The following TRPC1 variants were observed in gnomAD, a reference collection of about 807,000 sequenced individuals.
The protein encoded by TRPC1 is short transient receptor potential channel 1.
Under a neutral mutation model 88.2 loss-of-function variants are expected in TRPC1, and 42 were observed. The ratio of observed to expected loss-of-function variants is 0.48; its 90% confidence interval spans 0.37 to 0.62. The LOEUF is 0.62. Among genes scored for constraint, TRPC1 ranks in the 20% least tolerant of loss-of-function variants. The pLI is 0.00. For synonymous variants in TRPC1, 288 were observed against 331.8 expected (o/e 0.87, Z 1.43); for missense variants, 699 against 957.3 (o/e 0.73, Z 3.56).
intron 9 of TRPC1, chr3:142,794,045 T>C (rs1271902967): frequency 3.7e-6 from 1 of 268,366 alleles, no homozygotes. Flanking sequence ...AGAAAAAAAT[T>C]TGTTTAACCT....
At chr3:142,738,985 T>A (rs1934245176) in intron 2 of TRPC1, among the ~76,000 whole-genome samples, 1 of 152,132 alleles carries the variant, frequency 6.6e-6, no homozygotes, top group African/African-American at 2.4e-5. Context: ...TATTATTATT[T>A]TTTGAGATGG....
At chr3:142,751,383 C>T (rs972070505) in intron 4 of TRPC1, among the ~76,000 whole-genome samples, 6 of 152,128 alleles carry the variant, frequency 3.9e-5, no homozygotes, top group Admixed American at 1.3e-4. Flanking sequence ...CAGTTACCTA[C>T]GGTATTTAGC....
rs1490029441 is a variant in TRPC1, at chr3:142,724,481, G to A, written c.-79G>A. 1 of 1,374,030 alleles carries A rather than the reference G, an allele frequency of 7.3e-7. No individual in the cohort carries two copies. Among genetic ancestry groups the A allele is most frequent in the Non-Finnish European group, 9.6e-7 (1 of 1,042,508 alleles). 85.1% of individuals were successfully genotyped at this position (1,374,030 alleles called of 1,614,324 possible). ...CTCATCCTTTTTCCAGCCCTGGGGC[G>A]TGGCTGGGGTCGGGGTCGGGGTCGG... On this transcript the variant is annotated 5_prime_UTR_variant, in exon 1 of 13. The change creates a new upstream start codon in the 5' untranslated region. Transcript: ENST00000476941. The surrounding 1 kb of genome is among the most constrained non-coding windows in gnomAD (Gnocchi z 5.6).
At chr3:142,789,966 A>C (rs980421457) in intron 7 of TRPC1, among the ~76,000 whole-genome samples, 12 of 152,190 alleles carry the variant, frequency 7.9e-5, no homozygotes, top group Admixed American at 7.9e-4. Context: ...TAGACCTAAT[A>C]AGTAAATTAT....
Position 142,724,642 on chromosome 3 carries a change from C to G in TRPC1, c.83C>G (p.Pro28Arg). Reference sequence around the variant, plus strand: ...CCTTCCTCTCCATCCTCTTCCTCGCCGAACGAGGTGATGGCGCTGAAGGAT... The same window carrying G: ...CCTTCCTCTCCATCCTCTTCCTCGCGGAACGAGGTGATGGCGCTGAAGGAT... Reference protein sequence around the residue: ...SLPSSPSSSSPNEVMALKDVR... With the variant: ...SLPSSPSSSSRNEVMALKDVR... The change falls in exon 1 of 13, where the codon CCG (proline) becomes CGG (arginine). Residue 28 changes from proline to arginine, a missense_variant. Pro to Arg is a moderately radical substitution (Grantham distance 103, BLOSUM62 -2). Around this residue, in one of 4 missense-constraint regions of TRPC1, gnomAD observed 157 missense variants for 127.0 expected, o/e 1.24. Coordinates refer to ENST00000476941, the MANE Select transcript of TRPC1 (RefSeq NM_001251845.2). This position sits in a 1 kb window ranked among gnomAD's most constrained non-coding sequence, Gnocchi z 5.6. 2 of 1,613,042 alleles carry G rather than the reference C, an allele frequency of 1.2e-6. No individual in the cohort carries two copies. The highest frequency in any genetic ancestry group is 8.5e-7 in the Non-Finnish European group (1 of 1,179,564).
In TRPC1 at chr3:142,736,447, G is replaced by C. The variant is rs765450309; in HGVS notation, c.241G>C (p.Asp81His). The C allele has an allele frequency of 1.2e-6, 2 of 1,612,824 alleles. No individual in the cohort carries two copies. The highest frequency in any genetic ancestry group is 1.7e-6 in the Non-Finnish European group (2 of 1,179,506). ...AGGTGACTTGAACATAAATTGCGTA[G>C]ATGTGCTTGGGAGAAATGCTGTTAC... The part of the protein sequence containing the change: ...SSGDLNINCV[D>H]VLGRNAVTIT... The change falls in exon 2 of 13, where the codon GAT becomes CAT. Residue 81 changes from aspartate (D) to histidine (H), a missense_variant. Physicochemically the swap from Asp to His is moderately conservative, Grantham distance 81. Coordinates refer to ENST00000476941, the MANE Select transcript of TRPC1 (RefSeq NM_001251845.2).
chr3:142,746,393 C>G (rs1474691521), intron 3 of TRPC1, among the ~76,000 whole-genome samples: 1 of 152,012 alleles, frequency 6.6e-6, no homozygotes, highest in Non-Finnish European at 1.5e-5. Flanking sequence ...CCACTTTTCT[C>G]TTAAGGGATT....
chr3:142,739,107 G>C (rs1934250181), intron 2 of TRPC1, among the ~76,000 whole-genome samples: 1 of 152,024 alleles, frequency 6.6e-6, no homozygotes, highest in South Asian at 2.1e-4. Context: ...AAGTAGCTGG[G>C]ATTATTATAG....
chr3:142,807,858 AG>A lies in TRPC1; in HGVS notation c.*1625del, dbSNP rs1179004970. ...TGACAGCATATTGTAAGAAAAAAAA[AG>A]GTGAATAAAATTTGACATTAGATTA... is the stretch of plus-strand genomic sequence containing the variant. On this transcript the variant is annotated 3_prime_UTR_variant, in exon 13 of 13. Coordinates refer to ENST00000476941, the MANE Select transcript of TRPC1 (RefSeq NM_001251845.2). The A allele has an allele frequency of 6.6e-6, 1 of 152,180 alleles. No homozygotes were observed. Among genetic ancestry groups the A allele is most frequent in the African/African-American group, 2.4e-5 (1 of 41,456 alleles). 9.4% of individuals were successfully genotyped at this position (152,180 alleles called of 1,614,324 possible).
chr3:142,724,647 G>A lies in TRPC1; in HGVS notation c.88G>A (p.Glu30Lys). Reference sequence around the variant, plus strand: ...CTCTCCATCCTCTTCCTCGCCGAACGAGGTGATGGCGCTGAAGGATGTGCG... The same window carrying A: ...CTCTCCATCCTCTTCCTCGCCGAACAAGGTGATGGCGCTGAAGGATGTGCG... The part of the protein sequence containing the change: ...PSSPSSSSPN[E>K]VMALKDVREV... Residue 30 changes from glutamate (E) to lysine (K), a missense_variant, in exon 1 of 13, where the codon GAG becomes AAG. Coordinates refer to ENST00000476941, the MANE Select transcript of TRPC1 (RefSeq NM_001251845.2). The surrounding 1 kb of genome is among the most constrained non-coding windows in gnomAD (Gnocchi z 5.6). 2 of 1,613,016 alleles carry A rather than the reference G, an allele frequency of 1.2e-6. No homozygotes were observed. The highest frequency in any genetic ancestry group is 1.7e-6 in the Non-Finnish European group (2 of 1,179,530).
rs2087116590 is a variant in TRPC1, at chr3:142,724,823, C to T, written c.172+92C>T. The T allele has an allele frequency of 7.2e-7, 1 of 1,380,142 alleles. No homozygotes were observed. The highest frequency in any genetic ancestry group is 9.5e-7 in the Non-Finnish European group (1 of 1,051,132). 85.5% of individuals were successfully genotyped at this position (1,380,142 alleles called of 1,614,324 possible). A position where few individuals can be genotyped will look rare whatever the true frequency, so the allele number is the denominator to read the frequency against. ...CTCAACTTATATCGGGGCATTCCCT[C>T]TGTCTCAGGCGCCGAGTGTCTTCCC... On this transcript the variant is annotated intron_variant, in intron 1 of 12. Transcript: ENST00000476941. This position sits in a 1 kb window ranked among gnomAD's most constrained non-coding sequence, Gnocchi z 5.6.
At chr3:142,754,775 T>C (rs1023837855) in intron 4 of TRPC1, among the ~76,000 whole-genome samples, 6 of 152,148 alleles carry the variant, frequency 3.9e-5, no homozygotes, top group Admixed American at 3.3e-4. Flanking sequence ...TCTGGCATAG[T>C]GGCAGGAAAA....
chr3:142,736,556 C>A, intron 2 of TRPC1, 23 bp downstream of exon 2: 1 of 1,568,452 alleles, frequency 6.4e-7, no homozygotes, highest in Non-Finnish European at 8.6e-7. Flanking sequence ...ATAATTTAAT[C>A]CAGTTAACTT....
intron 4 of TRPC1, among the ~76,000 whole-genome samples, chr3:142,756,032 C>A (rs1934946709): frequency 6.6e-6 from 1 of 152,032 alleles, no homozygotes; most frequent in Non-Finnish European, 1.5e-5. Context: ...CTCTGGCTTT[C>A]TTTTACTTAC....
chr3:142,778,388 T>G (rs1935853347), intron 5 of TRPC1, among the ~76,000 whole-genome samples: 1 of 151,854 alleles, frequency 6.6e-6, no homozygotes, highest in African/African-American at 2.4e-5. Flanking sequence ...AAAGAAGCAC[T>G]CCTATTATTT....
intron 1 of TRPC1, among the ~76,000 whole-genome samples, chr3:142,726,644 G>A (rs528852600): frequency 6.6e-6 from 1 of 151,936 alleles, no homozygotes; most frequent in Non-Finnish European, 1.5e-5. Flanking sequence ...ATACTTATGG[G>A]GTACATTTAC....
intron 5 of TRPC1, among the ~76,000 whole-genome samples, chr3:142,778,016 A>T (rs1213875317): frequency 6.6e-6 from 1 of 152,072 alleles, no homozygotes; most frequent in Non-Finnish European, 1.5e-5. Flanking sequence ...TTTCAACCTA[A>T]CCAAAGGCAT....
chr3:142,804,127 G>A lies in TRPC1; in HGVS notation c.1908G>A (p.Val636=). 6.2e-7 allele frequency: 1 copy of A among 1,613,868 alleles called. No individual in the cohort carries two copies. Among genetic ancestry groups the A allele is most frequent in the South Asian group, 1.1e-5 (1 of 91,076 alleles). Reference sequence around the variant, plus strand: ...CATACAATGTCGTGGTTGTGATTGTGCTTACCAAACTGCTGGTGGCAATGC... The same window carrying A: ...CATACAATGTCGTGGTTGTGATTGTACTTACCAAACTGCTGGTGGCAATGC... ...VGTYNVVVVI[V]LTKLLVAMLH... The change falls in exon 11 of 13, where the codon GTG becomes GTA. Residue 636 remains valine, a synonymous_variant. Transcript: ENST00000476941.
chr3:142,743,192 T>C (rs1237901564), intron 2 of TRPC1, among the ~76,000 whole-genome samples: 2 of 152,134 alleles, frequency 1.3e-5, no homozygotes, highest in African/African-American at 4.8e-5. Context: ...ATTTTCAACT[T>C]TAAATCCTGC....
Sources: gnomAD v4.1 joint callset for allele counts (sites outside exome capture counted in the v4.1 genomes callset) on GRCh38, gnomAD v4.1.1 for gene constraint, gnomAD v4.1.1 regional missense constraint, Gnocchi (gnomAD v3.1) non-coding constraint, MANE v1.5 for transcripts, NCBI Gene and HGNC (gene_info 2026-07-23, HGNC 2026-07-21) for gene names.